Variants in UBE2N observed in about 807,000 individuals in gnomAD.
UBE2N encodes the protein ubiquitin-conjugating enzyme E2 N.
For missense variants in UBE2N, 60 were observed against 192.1 expected, an observed-to-expected ratio of 0.31 and a Z score of 4.07; for synonymous variants, 70 against 69.2, an observed-to-expected ratio of 1.01 and a Z score of -0.06.
chr12:93,424,429 GCTCAGATTTGCATT>G (rs1455372135), intron 1 of UBE2N: 1 of 152,118 alleles, frequency 6.6e-6, no homozygotes, highest in African/African-American at 2.4e-5. Flanking sequence ...GTTACATTTC[GCTCAGATTTGCATT>G]CTCAATCCAA....
At chr12:93,438,166 G>C (rs1196895907) in intron 1 of UBE2N, among the ~76,000 whole-genome samples, 1 of 152,182 alleles carries the variant, frequency 6.6e-6, no homozygotes, top group Non-Finnish European at 1.5e-5. Flanking sequence ...ATTGGTCTAG[G>C]CACGAATGAG....
intron 1 of UBE2N, among the ~76,000 whole-genome samples, chr12:93,439,895 T>A (rs1017935032): frequency 3.7e-4 from 47 of 128,498 alleles, no homozygotes; most frequent in African/African-American, 1.2e-3. Context: ...TGAGTTACTG[T>A]CTTAGTTTCA....
intron 1 of UBE2N, among the ~76,000 whole-genome samples, chr12:93,419,005 C>T (rs1878313070): frequency 6.6e-6 from 1 of 152,210 alleles, no homozygotes; most frequent in Admixed American, 6.5e-5. Context: ...AATGTTACTG[C>T]CTGGTCATTA....
intron 1 of UBE2N, among the ~76,000 whole-genome samples, chr12:93,426,551 TA>T (rs71433881): frequency 1.3e-5 from 2 of 152,000 alleles, no homozygotes; most frequent in African/African-American, 4.8e-5. Context: ...AAACAAGAGC[TA>T]AAAAAACCCT....
chr12:93,437,783 C>T (rs566336999), intron 1 of UBE2N, among the ~76,000 whole-genome samples: 22 of 152,016 alleles, frequency 1.4e-4, no homozygotes, highest in African/African-American at 4.8e-4. Context: ...GGGGAGACTC[C>T]GTCTCAACAA....
At chr12:93,427,273 C>G (rs573944592) in intron 1 of UBE2N, among the ~76,000 whole-genome samples, 1 of 152,312 alleles carries the variant, frequency 6.6e-6, no homozygotes, top group East Asian at 1.9e-4. Context: ...GTTGGAAATC[C>G]CTGTTCTAAA....
rs1221108034 is a variant in UBE2N, at chr12:93,406,660, AAAC to A, written c.*3376_*3378del. ...ATGTATATTTTTGTCATTATTCCTT[AAAC>A]AATAGTGTAACTATTTACATAGCAC... On this transcript the variant is annotated 3_prime_UTR_variant, in exon 4 of 4. Coordinates refer to ENST00000318066, the MANE Select transcript of UBE2N (RefSeq NM_003348.4). 4.6e-5 allele frequency: 7 copies of A among 152,372 alleles called. No homozygotes were observed. Among genetic ancestry groups the A allele is most frequent in the East Asian group, 1.9e-4 (1 of 5,192 alleles). 9.4% of individuals were successfully genotyped at this position (152,372 alleles called of 1,614,324 possible).
intron 1 of UBE2N, among the ~76,000 whole-genome samples, chr12:93,435,161 A>T (rs1009047525): frequency 1.3e-5 from 2 of 152,070 alleles, no homozygotes; most frequent in Non-Finnish European, 2.9e-5. Context: ...ATTATCAGAC[A>T]AGTATTTTCA....
Position 93,441,651 on chromosome 12 carries a change from C to T in UBE2N, c.30+204G>A, listed in dbSNP as rs564957813. Among the ~76,000 whole-genome samples, 95 of 152,110 alleles carry T rather than the reference C, an allele frequency of 6.2e-4. 4 individuals are homozygous for T. In the South Asian group the frequency reaches 0.018, roughly 29 times the overall value. The stretch of plus-strand genomic sequence containing the variant: ...CTGGAAGCCCCGGGTCCCCGCTGTC[C>T]GGCTGCCCCGCCGCGGCCGGAAGTC... On this transcript the variant is annotated intron_variant, in intron 1 of 3. Transcript: ENST00000318066.
chr12:93,424,643 A>G (rs920444245), intron 1 of UBE2N, among the ~76,000 whole-genome samples: 2 of 152,224 alleles, frequency 1.3e-5, no homozygotes, highest in Non-Finnish European at 2.9e-5. Context: ...GCTTCAGGAG[A>G]GGACCATTCG....
intron 1 of UBE2N, among the ~76,000 whole-genome samples, chr12:93,421,404 G>A (rs1007580725): frequency 4.6e-5 from 7 of 152,024 alleles, no homozygotes; most frequent in African/African-American, 1.2e-4. Context: ...GAGTTTCACC[G>A]TGTTAGCCAG....
chr12:93,410,882 G>A lies in UBE2N; in HGVS notation c.278-8C>T. ...GTGCTGGGGACCACTTATCTATGAAGGCAACAGGCCCAGTATGATAAAGCA... is the reference window on the plus strand; with the variant it reads ...GTGCTGGGGACCACTTATCTATGAAAGCAACAGGCCCAGTATGATAAAGCA... On this transcript the variant is annotated splice_polypyrimidine_tract_variant and splice_region_variant and intron_variant, in intron 2 of 3. Coordinates refer to ENST00000318066, the MANE Select transcript of UBE2N (RefSeq NM_003348.4). The A allele has an allele frequency of 2.5e-6, 4 of 1,614,086 alleles. No homozygotes were observed. Among genetic ancestry groups the A allele is most frequent in the Non-Finnish European group, 3.4e-6 (4 of 1,180,014 alleles).
intron 1 of UBE2N, among the ~76,000 whole-genome samples, chr12:93,426,107 T>C (rs374516168): frequency 6.6e-6 from 1 of 152,202 alleles, no homozygotes; most frequent in Non-Finnish European, 1.5e-5. Context: ...TTTTTTACTC[T>C]TCTGTGATTT....
intron 1 of UBE2N, among the ~76,000 whole-genome samples, chr12:93,427,401 A>G (rs1878628076): frequency 6.6e-6 from 1 of 152,246 alleles, no homozygotes; most frequent in South Asian, 2.1e-4. Context: ...TTTATTTAGA[A>G]AACACTTCAG....
chr12:93,420,675 T>C (rs1252967984), intron 1 of UBE2N, among the ~76,000 whole-genome samples: 4 of 152,212 alleles, frequency 2.6e-5, no homozygotes, highest in Non-Finnish European at 2.9e-5. Flanking sequence ...GAATACTGTA[T>C]CTGCTGTGTT....
At chr12:93,426,305 C>T (rs976789569) in intron 1 of UBE2N, among the ~76,000 whole-genome samples, 2 of 147,366 alleles carry the variant, frequency 1.4e-5, no homozygotes, top group African/African-American at 5.1e-5. Context: ...CGAAAGAATG[C>T]GACAATACAT....
chr12:93,432,150 T>A (rs988174618), intron 1 of UBE2N, among the ~76,000 whole-genome samples: 1 of 152,162 alleles, frequency 6.6e-6, no homozygotes, highest in Non-Finnish European at 1.5e-5. Flanking sequence ...GAGAATTGCT[T>A]GAACCCGGGA....
At position 93,441,937 on chromosome 12, in the gene UBE2N, C is replaced by A; in HGVS notation, c.-53G>T. ...GTCTCGTCTCCGGCTCCTCTCGCCT[C>A]ACGCACGAGTGGAAGTCCCGGGCTC... On this transcript the variant is annotated 5_prime_UTR_variant, in exon 1 of 4. Coordinates refer to ENST00000318066, the MANE Select transcript of UBE2N (RefSeq NM_003348.4). 1.3e-6 allele frequency: 2 copies of A among 1,539,906 alleles called. No individual in the cohort carries two copies.
chr12:93,410,184 C>T, intron 3 of UBE2N, 105 bp from the exon 4 acceptor site: 1 of 1,133,828 alleles, frequency 8.8e-7, no homozygotes, highest in Non-Finnish European at 1.3e-6. Flanking sequence ...AAATGTCATG[C>T]TGTAATCTGT....
Sources: allele counts gnomAD v4.1 joint callset (sites outside exome capture counted in the v4.1 genomes callset), GRCh38; gene constraint gnomAD v4.1.1; transcripts MANE v1.5; gene names NCBI Gene and HGNC (gene_info 2026-07-23, HGNC 2026-07-21).